PANX1: variants seen among roughly 807,000 people sequenced by gnomAD.
The protein encoded by PANX1 is pannexin-1.
In PANX1, 30 loss-of-function variants were observed where a neutral mutation model predicts 38.7. The observed-to-expected ratio is 0.78, with a 90% confidence interval of 0.58 to 1.05. The LOEUF (loss-of-function observed/expected upper bound fraction) is 1.05. PANX1 is among the 50% of genes least tolerant of loss of function. The pLI is 0.00. For synonymous variants in PANX1, 230 were observed against 212.2 expected (o/e 1.08, Z -0.73); for missense variants, 551 against 517.2 (o/e 1.07, Z -0.63).
Position 94,143,894 on chromosome 11 carries a change from G to A in PANX1, c.182-9597G>A, listed in dbSNP as rs551662287. The stretch of plus-strand genomic sequence containing the variant: ...CTCCCATGTAGGTGGGACCACAGGC[G>A]CACGCCACCGTGCCTAGCTAATTTT... On this transcript the variant is annotated intron_variant, in intron 1 of 4. Transcript: ENST00000227638. Among the ~76,000 whole-genome samples the A allele has an allele frequency of 1.4e-3, 216 of 152,040 alleles. 1 individual carries two copies. Among genetic ancestry groups the A allele is most frequent in the African/African-American group, 4.9e-3 (203 of 41,480 alleles).
chr11:94,180,764 T>C, intron 4 of PANX1, 26 bp from the exon 5 acceptor site: 3 of 1,245,004 alleles, frequency 2.4e-6, no homozygotes, highest in Non-Finnish European at 3.5e-6. Flanking sequence ...GTTTCTGTCA[T>C]AAATATTTGT....
chr11:94,159,130 G>A, intron 2 of PANX1, among the ~76,000 whole-genome samples: 1 of 152,206 alleles, frequency 6.6e-6, no homozygotes, highest in Non-Finnish European at 1.5e-5. Flanking sequence ...GCTTTTTGAT[G>A]TGCTGCTGGA....
chr11:94,170,393 C>T (rs914976985), intron 2 of PANX1, among the ~76,000 whole-genome samples: 9 of 151,808 alleles, frequency 5.9e-5, no homozygotes, highest in Admixed American at 2.0e-4. Context: ...ATCAGAATCT[C>T]CTTCCTTTTT....
chr11:94,176,329 A>G (rs1947231917), intron 2 of PANX1, among the ~76,000 whole-genome samples: 1 of 151,718 alleles, frequency 6.6e-6, no homozygotes, highest in Non-Finnish European at 1.5e-5. Context: ...ACAAGGAAAG[A>G]TTGAAGAACT....
At chr11:94,174,255 G>A (rs1167707275) in intron 2 of PANX1, among the ~76,000 whole-genome samples, 1 of 151,396 alleles carries the variant, frequency 6.6e-6, no homozygotes, top group Non-Finnish European at 1.5e-5. Flanking sequence ...GGGTTGGGGG[G>A]CAGTATTCAA....
rs1360190431 is a variant in PANX1, at chr11:94,181,482, A to C, written c.*613A>C. 1 of 152,490 alleles carries C rather than the reference A, an allele frequency of 6.6e-6. No individual in the cohort carries two copies. Among genetic ancestry groups the C allele is most frequent in the Admixed American group, 6.5e-5 (1 of 15,322 alleles). The allele number at this position is 152,490 out of a possible 1,614,324, so 9.4% of individuals were successfully genotyped here. A position where few individuals can be genotyped will look rare whatever the true frequency, so the allele number is the denominator to read the frequency against. On this transcript the variant is annotated 3_prime_UTR_variant, in exon 5 of 5. Transcript: ENST00000227638. ...AAATCCCGTAACCACTATTTGTTGC[A>C]CTGTGCCTTGAAGGGCAGCAGGCCC...
chr11:94,147,073 G>T (rs988777801), intron 1 of PANX1, among the ~76,000 whole-genome samples: 1 of 152,128 alleles, frequency 6.6e-6, no homozygotes, highest in Non-Finnish European at 1.5e-5. Context: ...GTTAACACTG[G>T]TTGAATCTAA....
chr11:94,142,453 C>A (rs949020268), intron 1 of PANX1, among the ~76,000 whole-genome samples: 1 of 152,170 alleles, frequency 6.6e-6, no homozygotes. Context: ...TTATCTGACC[C>A]CAGCTTGACT....
chr11:94,139,610 G>C (rs1023352013), intron 1 of PANX1, among the ~76,000 whole-genome samples: 1 of 152,230 alleles, frequency 6.6e-6, no homozygotes, highest in African/African-American at 2.4e-5. Flanking sequence ...TGTGATTAGA[G>C]GGTTGAGACT....
At chr11:94,157,401 G>A (rs1565378947) in intron 2 of PANX1, among the ~76,000 whole-genome samples, 1 of 152,106 alleles carries the variant, frequency 6.6e-6, no homozygotes, top group African/African-American at 2.4e-5. Context: ...CGCACCTGTT[G>A]TTTCCTGACT....
At chr11:94,163,981 T>G (rs1185015506) in intron 2 of PANX1, among the ~76,000 whole-genome samples, 1 of 151,844 alleles carries the variant, frequency 6.6e-6, no homozygotes, top group Non-Finnish European at 1.5e-5. Context: ...GTCTAGAAAT[T>G]TATCAATTTT....
At chr11:94,177,440 C>A (rs865810564) in intron 2 of PANX1, among the ~76,000 whole-genome samples, 1 of 151,844 alleles carries the variant, frequency 6.6e-6, no homozygotes, top group Non-Finnish European at 1.5e-5. Flanking sequence ...TGCAGAGGGC[C>A]AGATCATAAA....
At chr11:94,149,319 G>A (rs1946859793) in intron 1 of PANX1, among the ~76,000 whole-genome samples, 1 of 152,104 alleles carries the variant, frequency 6.6e-6, no homozygotes, top group African/African-American at 2.4e-5. Context: ...TCATTTATAG[G>A]TACAGGTCAA....
chr11:94,146,089 A>G (rs1052467145), intron 1 of PANX1, among the ~76,000 whole-genome samples: 1 of 152,222 alleles, frequency 6.6e-6, no homozygotes, highest in Non-Finnish European at 1.5e-5. Flanking sequence ...GAGTGGAAAC[A>G]GAAAGTAGAC....
intron 2 of PANX1, among the ~76,000 whole-genome samples, chr11:94,165,792 C>CGGGAT (rs1299520379): frequency 6.6e-6 from 1 of 152,156 alleles, no homozygotes; most frequent in African/African-American, 2.4e-5. Context: ...TGCCTGTAAT[C>CGGGAT]CCAGCTACTC....
chr11:94,179,696 A>T lies in PANX1; in HGVS notation c.640A>T (p.Ile214Phe). Reference protein sequence around the residue: ...KNSNNLIIKYISCRLLTLIII... With the variant: ...KNSNNLIIKYFSCRLLTLIII... ...TTCTAATAATTTAATCATCAAGTAC[A>T]TTAGCTGCCGCCTGCTGACACTCAT... Residue 214 changes from isoleucine to phenylalanine, a missense_variant, in exon 4 of 5, where the codon ATT becomes TTT. Physicochemically the swap from Ile to Phe is conservative, Grantham distance 21 (BLOSUM62 0). Coordinates refer to ENST00000227638, the MANE Select transcript of PANX1 (RefSeq NM_015368.4). 2 of 1,613,914 alleles carry T rather than the reference A, an allele frequency of 1.2e-6. No individual in the cohort carries two copies. The highest frequency in any genetic ancestry group is 1.7e-6 in the Non-Finnish European group (2 of 1,179,888).
At chr11:94,132,782 A>G (rs1401345388) in intron 1 of PANX1, among the ~76,000 whole-genome samples, 1 of 152,140 alleles carries the variant, frequency 6.6e-6, no homozygotes, top group Admixed American at 6.5e-5. Flanking sequence ...TTTTCTGTCA[A>G]CTGTTGTTTG....
chr11:94,177,861 A>T (rs75708898), intron 2 of PANX1, among the ~76,000 whole-genome samples: 1 of 151,946 alleles, frequency 6.6e-6, no homozygotes. Flanking sequence ...TCTTATTGGG[A>T]TGATTACTGA....
intron 1 of PANX1, among the ~76,000 whole-genome samples, chr11:94,136,048 T>C (rs1946684942): frequency 6.6e-6 from 1 of 152,200 alleles, no homozygotes; most frequent in Non-Finnish European, 1.5e-5. Flanking sequence ...CACATAAAGC[T>C]TGTTTGCATG....
Sources: gnomAD v4.1 joint callset for allele counts (sites outside exome capture counted in the v4.1 genomes callset) on GRCh38, gnomAD v4.1.1 for gene constraint, MANE v1.5 for transcripts, NCBI Gene and HGNC (gene_info 2026-07-23, HGNC 2026-07-21) for gene names.